CCDC195: variants seen among roughly 807,000 people sequenced by gnomAD.
The protein encoded by CCDC195 is coiled-coil domain containing 195.
At chr2:224,714,814 A>C (rs1218801844) in intron 1 of CCDC195, among the ~76,000 whole-genome samples, 1 of 152,186 alleles carries the variant, frequency 6.6e-6, no homozygotes, top group Non-Finnish European at 1.5e-5. Context: ...CCTGGATTGG[A>C]ATCTGTTTTC....
chr2:224,715,425 G>T (rs982037013), intron 1 of CCDC195, among the ~76,000 whole-genome samples: 1 of 152,048 alleles, frequency 6.6e-6, no homozygotes, highest in Non-Finnish European at 1.5e-5. Context: ...ATCAAACATC[G>T]ACTCTGTATC....
At chr2:224,704,589 CTTTTTTTTTTCTTTTCTTTTCTTTTT>C (rs1697215233) in intron 2 of CCDC195, among the ~76,000 whole-genome samples, 1 of 126,736 alleles carries the variant, frequency 7.9e-6, no homozygotes, top group Non-Finnish European at 1.6e-5. Flanking sequence ...ACAGCTGCAC[CTTTTTTTTTTCTTTTCTTTTCTTTTT>C]TTTTTTTTTT....
intron 2 of CCDC195, among the ~76,000 whole-genome samples, chr2:224,709,433 A>T (rs1689280389): frequency 6.6e-6 from 1 of 152,138 alleles, no homozygotes; most frequent in Non-Finnish European, 1.5e-5. Context: ...CATATTTTGG[A>T]GAGCAAATTG....
In CCDC195 at chr2:224,710,237, A is replaced by G. The variant is rs1427258169; in HGVS notation, c.236-18T>C. 1 of 398,456 alleles carries G rather than the reference A, an allele frequency of 2.5e-6. No homozygotes were observed. Among genetic ancestry groups the G allele is most frequent in the Non-Finnish European group, 4.4e-6 (1 of 226,066 alleles). 24.7% of individuals were successfully genotyped at this position (398,456 alleles called of 1,614,324 possible). A position where few individuals can be genotyped will look rare whatever the true frequency, so the allele number is the denominator to read the frequency against. ...GACATTGCCTGTACAAAAGACACAA[A>G]ATCCAACTTAAAAAAATTCTACCCT... On this transcript the variant is annotated intron_variant, in intron 1 of 2. Transcript: ENST00000638102.
At chr2:224,710,632 TCGTCTCAAACAATCA>T (rs1689307723) in intron 1 of CCDC195, among the ~76,000 whole-genome samples, 1 of 152,200 alleles carries the variant, frequency 6.6e-6, no homozygotes, top group Non-Finnish European at 1.5e-5. Context: ...GAGGGAAACT[TCGTCTCAAACAATCA>T]AATAAACAAA....
intron 2 of CCDC195, among the ~76,000 whole-genome samples, chr2:224,708,734 G>A (rs1437173514): frequency 1.3e-5 from 2 of 152,114 alleles, no homozygotes; most frequent in African/African-American, 4.8e-5. Context: ...TGCTGAGTTC[G>A]ATGGTGCTCT....
At chr2:224,710,448 C>T (rs1324996579) in intron 1 of CCDC195, among the ~76,000 whole-genome samples, 2 of 152,286 alleles carry the variant, frequency 1.3e-5, no homozygotes, top group South Asian at 2.1e-4. Context: ...GGTGACCATC[C>T]TGGCCAATAT....
rs142403512 is a variant in CCDC195 at position 224,704,554 on chromosome 2, T to C, written c.483-667A>G. Among the ~76,000 whole-genome samples the C allele has an allele frequency of 1.1e-4, 16 of 152,008 alleles. No individual in the cohort carries two copies. The East Asian group carries it at 3.1e-3, about 29-fold the overall frequency. ...AAGGCTGTAATTTCACTGAATGACA[T>C]TTGGTGGCCTGCGTCTCAGAAAACA... On this transcript the variant is annotated intron_variant, in intron 2 of 2. Transcript: ENST00000638102.
chr2:224,706,189 C>CTTTTTTTTTTTTATTTTTT (rs1697238320), intron 2 of CCDC195, among the ~76,000 whole-genome samples: 2 of 33,340 alleles, frequency 6.0e-5, no homozygotes, highest in African/African-American at 1.6e-4. Flanking sequence ...TATTTTGTAA[C>CTTTTTTTTTTTTATTTTTT]TTTTTTTTTT....
At chr2:224,711,768 T>C (rs1386688238) in intron 1 of CCDC195, among the ~76,000 whole-genome samples, 4 of 152,308 alleles carry the variant, frequency 2.6e-5, no homozygotes, top group Middle Eastern at 3.4e-3. Flanking sequence ...AGAAAATCAT[T>C]ATGGTTATTT....
intron 2 of CCDC195, among the ~76,000 whole-genome samples, chr2:224,708,760 C>T (rs1286853592): frequency 6.6e-6 from 1 of 152,212 alleles, no homozygotes; most frequent in Non-Finnish European, 1.5e-5. Context: ...TCTCAACAAT[C>T]ATATTTTTTG....
chr2:224,704,598 T>TA (rs1420857247), intron 2 of CCDC195, among the ~76,000 whole-genome samples: 1 of 101,746 alleles, frequency 9.8e-6, no homozygotes, highest in East Asian at 2.1e-4. Flanking sequence ...CCTTTTTTTT[T>TA]TCTTTTCTTT....
At chr2:224,710,046 C>A (rs1376980377) in exon 2 of CCDC195, 1 of 398,434 alleles carries the variant, frequency 2.5e-6, no homozygotes, top group Non-Finnish European at 4.4e-6. Flanking sequence ...GTGGCAAACA[C>A]CTTTTCTTCC....
chr2:224,709,752 A>C (rs950727379), intron 2 of CCDC195, among the ~76,000 whole-genome samples: 7 of 152,214 alleles, frequency 4.6e-5, no homozygotes, highest in African/African-American at 1.7e-4. Flanking sequence ...ATGAGTACTA[A>C]GTTGTCCAGT....
intron 2 of CCDC195, among the ~76,000 whole-genome samples, chr2:224,704,600 CTTTTCTTTTCTTTTTTT>C (rs1559318403): frequency 1.9e-4 from 13 of 69,550 alleles, no homozygotes; most frequent in South Asian, 4.6e-4. Flanking sequence ...TTTTTTTTTT[CTTTTCTTTTCTTTTTTT>C]TTTTTTTTTC....
intron 2 of CCDC195, among the ~76,000 whole-genome samples, chr2:224,705,233 T>C (rs925639390): frequency 6.6e-6 from 1 of 152,186 alleles, no homozygotes; most frequent in Non-Finnish European, 1.5e-5. Flanking sequence ...GGAGAGAATA[T>C]ATTTATTGTA....
intron 1 of CCDC195, among the ~76,000 whole-genome samples, chr2:224,711,422 T>C (rs1168298763): frequency 6.6e-6 from 1 of 151,284 alleles, no homozygotes; most frequent in Non-Finnish European, 1.5e-5. Context: ...TTTTAGAGGC[T>C]CTTGGTATGT....
chr2:224,709,937 G>A, intron 2 of CCDC195, 36 bp downstream of exon 2: 1 of 398,496 alleles, frequency 2.5e-6, no homozygotes, highest in South Asian at 1.3e-4. Context: ...TCTCAGTATG[G>A]GCCTATTCAC....
intron 2 of CCDC195, among the ~76,000 whole-genome samples, chr2:224,705,876 G>C (rs189235104): frequency 6.6e-6 from 1 of 151,948 alleles, no homozygotes; most frequent in African/African-American, 2.4e-5. Flanking sequence ...TTCATTAGTT[G>C]GCAGCTTGGA....
Sources: allele counts gnomAD v4.1 joint callset (sites outside exome capture counted in the v4.1 genomes callset), GRCh38; gene constraint gnomAD v4.1.1; transcripts MANE v1.5; gene names NCBI Gene and HGNC (gene_info 2026-07-23, HGNC 2026-07-21).